TIAM2: variants seen among roughly 807,000 people sequenced by gnomAD.
TIAM2 encodes the protein rho guanine nucleotide exchange factor TIAM2.
TIAM2 carries 80 observed loss-of-function variants against 152.9 expected under a neutral mutation model. The ratio of observed to expected loss-of-function variants is 0.52; its 90% CI spans 0.44 to 0.63. TIAM2 has a LOEUF of 0.63. TIAM2 is among the 30% of genes least tolerant of loss of function. TIAM2 has a pLI of 0.00. For missense variants in TIAM2, 1,965 were observed against 2,120.1 expected (o/e 0.93, Z 1.44); for synonymous variants, 804 against 838.0 (o/e 0.96, Z 0.70).
At chr6:155,048,387 C>T (rs1777248835) in intron 1 of TIAM2, among the ~76,000 whole-genome samples, 1 of 152,184 alleles carries the variant, frequency 6.6e-6, no homozygotes, top group South Asian at 2.1e-4. Context: ...GCCACCACGC[C>T]TGGCCAAGGG....
intron 14 of TIAM2, among the ~76,000 whole-genome samples, chr6:155,209,828 A>G (rs368258703): frequency 6.6e-6 from 1 of 152,140 alleles, no homozygotes; most frequent in East Asian, 1.9e-4. Context: ...GTGGTTGGTA[A>G]TATCAGCATG....
At chr6:155,100,306 C>T (rs1020568530) in intron 2 of TIAM2, among the ~76,000 whole-genome samples, 8 of 152,158 alleles carry the variant, frequency 5.3e-5, no homozygotes, top group Non-Finnish European at 8.8e-5. Flanking sequence ...GCTGCCAGCA[C>T]GGCGGCACTG....
chr6:155,060,427 T>C (rs960171408), intron 1 of TIAM2, among the ~76,000 whole-genome samples: 3 of 152,112 alleles, frequency 2.0e-5, no homozygotes, highest in African/African-American at 7.2e-5. Context: ...TAAAAAACCA[T>C]TTAATAATTG....
intron 2 of TIAM2, among the ~76,000 whole-genome samples, chr6:155,096,090 TTTTA>T (rs1406269816): frequency 1.3e-5 from 2 of 152,234 alleles, no homozygotes; most frequent in Non-Finnish European, 2.9e-5. Context: ...TTGTAAAGCA[TTTTA>T]TTTAATTTCA....
chr6:155,017,506 CT>C (rs35552958), intron 1 of TIAM2, among the ~76,000 whole-genome samples: 28 of 129,022 alleles, frequency 2.2e-4, no homozygotes, highest in Admixed American at 5.0e-4. Context: ...TCCATTTTGT[CT>C]TTTTTTTTTT....
chr6:155,250,544 G>A (rs780595484), intron 21 of TIAM2: 90 of 1,535,778 alleles, frequency 5.9e-5, no homozygotes, highest in Admixed American at 9.8e-5. Flanking sequence ...TCAGCAGCCC[G>A]AATGGAGCTC....
intron 1 of TIAM2, among the ~76,000 whole-genome samples, chr6:155,015,959 A>C (rs1010917229): frequency 1.2e-4 from 18 of 150,704 alleles, no homozygotes; most frequent in Admixed American, 9.3e-4. Flanking sequence ...AAAAAAAAAA[A>C]AAAAAAAAAA....
chr6:155,156,940 CT>C lies in TIAM2; in HGVS notation c.2029-7471del, dbSNP rs1336949593. On this transcript the variant is annotated intron_variant, in intron 7 of 26. Coordinates refer to ENST00000682666, the MANE Select transcript of TIAM2 (RefSeq NM_012454.4). The surrounding 1 kb of genome is among the most constrained non-coding windows in gnomAD (Gnocchi z 4.4). ...CTCCAAGGCGCTGTCCTTGATCGCCCTTTTGCCCACTCCATCAGGGAGCCCC... is the reference window on the plus strand; with the variant it reads ...CTCCAAGGCGCTGTCCTTGATCGCCCTTTGCCCACTCCATCAGGGAGCCCC... Among the ~76,000 whole-genome samples the C allele has an allele frequency of 6.6e-6, 1 of 152,208 alleles. No individual in the cohort carries two copies. The highest frequency in any genetic ancestry group is 1.5e-5 in the Non-Finnish European group (1 of 68,028).
chr6:155,083,340 C>T (rs1361600259), intron 1 of TIAM2, among the ~76,000 whole-genome samples: 1 of 119,932 alleles, frequency 8.3e-6, no homozygotes, highest in Non-Finnish European at 1.6e-5. Context: ...CAGAGTGAGA[C>T]TTTATCTCAA....
At chr6:155,224,949 C>CTATT (rs1186411587) in intron 15 of TIAM2, among the ~76,000 whole-genome samples, 3 of 152,110 alleles carry the variant, frequency 2.0e-5, no homozygotes, top group African/African-American at 7.2e-5. Flanking sequence ...TTGGGATTTT[C>CTATT]TATTTATTTG....
chr6:155,194,457 AAG>A (rs1168711597), intron 14 of TIAM2, among the ~76,000 whole-genome samples: 2 of 152,156 alleles, frequency 1.3e-5, no homozygotes, highest in African/African-American at 4.8e-5. Flanking sequence ...CTAGTCCTCT[AAG>A]AGATGACCAA....
intron 2 of TIAM2, among the ~76,000 whole-genome samples, chr6:155,119,675 G>C (rs1333839862): frequency 6.6e-6 from 1 of 152,222 alleles, no homozygotes; most frequent in Non-Finnish European, 1.5e-5. Flanking sequence ...ACTCGTCGGA[G>C]CTTGGCTCTC....
intron 2 of TIAM2, among the ~76,000 whole-genome samples, 196 bp downstream of exon 2, chr6:155,090,575 T>C (rs571975442): frequency 6.6e-6 from 1 of 152,134 alleles, no homozygotes; most frequent in Non-Finnish European, 1.5e-5. Flanking sequence ...CAGAGCTCAG[T>C]AGATTATTAC....
chr6:155,181,829 C>G (rs1021022411), intron 12 of TIAM2, among the ~76,000 whole-genome samples: 1 of 152,176 alleles, frequency 6.6e-6, no homozygotes, highest in African/African-American at 2.4e-5. Context: ...TCAAAGTTCA[C>G]CCAAATTGTA....
chr6:155,111,722 C>T (rs1456803531), intron 2 of TIAM2, among the ~76,000 whole-genome samples: 1 of 152,198 alleles, frequency 6.6e-6, no homozygotes. Context: ...TCTCTCTGCA[C>T]CACATCACAT....
chr6:155,086,850 G>A (rs1192680064), intron 1 of TIAM2, among the ~76,000 whole-genome samples: 2 of 152,066 alleles, frequency 1.3e-5, no homozygotes, highest in African/African-American at 2.4e-5. Context: ...GCAATTTGAC[G>A]AATCAGTTAT....
intron 1 of TIAM2, among the ~76,000 whole-genome samples, chr6:155,002,724 A>G (rs1778332758): frequency 7.1e-6 from 1 of 140,294 alleles, no homozygotes; most frequent in Non-Finnish European, 1.6e-5. Context: ...TCTGTTGCTC[A>G]GGCTGGAGTG....
chr6:155,009,549 A>T (rs944973832), intron 1 of TIAM2, among the ~76,000 whole-genome samples: 12 of 152,070 alleles, frequency 7.9e-5, no homozygotes, highest in African/African-American at 2.7e-4. Context: ...GGAGATGTGG[A>T]TCCGTAGACG....
chr6:155,175,883 A>C (rs898529377), intron 9 of TIAM2, among the ~76,000 whole-genome samples: 1 of 152,240 alleles, frequency 6.6e-6, no homozygotes, highest in African/African-American at 2.4e-5. Context: ...ATTTTCCAAC[A>C]GTGTCTATGT....
Sources: gnomAD v4.1 joint callset for allele counts (sites outside exome capture counted in the v4.1 genomes callset) on GRCh38, gnomAD v4.1.1 for gene constraint, Gnocchi (gnomAD v3.1) non-coding constraint, MANE v1.5 for transcripts, NCBI Gene and HGNC (gene_info 2026-07-23, HGNC 2026-07-21) for gene names.